The following OBI1 variants were observed in gnomAD, a reference collection of about 807,000 sequenced individuals.
OBI1 encodes the protein ORC ubiquitin ligase 1, also known as ring finger protein 219.
In OBI1, 59 loss-of-function variants were observed where a neutral mutation model predicts 62.4. That is an observed-to-expected ratio of 0.95 (90% CI 0.77 to 1.17). The LOEUF is 1.17. OBI1 is among the 50% of genes most tolerant of loss of function. The pLI is 0.00. For missense variants in OBI1, 875 were observed against 830.9 expected (o/e 1.05, Z -0.65); for synonymous variants, 302 against 292.8 (o/e 1.03, Z -0.32).
intron 1 of OBI1, among the ~76,000 whole-genome samples, chr13:78,646,317 T>C (rs908841017): frequency 1.3e-5 from 2 of 152,212 alleles, no homozygotes; most frequent in African/African-American, 2.4e-5. Flanking sequence ...CTTTAGTGCC[T>C]AGAAGATAGC....
At chr13:78,624,903 C>G (rs1218688402) in intron 5 of OBI1, among the ~76,000 whole-genome samples, 2 of 152,226 alleles carry the variant, frequency 1.3e-5, no homozygotes, top group East Asian at 3.9e-4. Context: ...AGGTTTCTTT[C>G]CTTCTCTCTG....
chr13:78,636,444 C>T (rs1469859293), intron 4 of OBI1, among the ~76,000 whole-genome samples: 1 of 152,162 alleles, frequency 6.6e-6, no homozygotes, highest in African/African-American at 2.4e-5. Flanking sequence ...ACCAAGAAGC[C>T]TTTAAAACGT....
At chr13:78,627,273 A>T (rs1294724447) in intron 5 of OBI1, among the ~76,000 whole-genome samples, 1 of 149,750 alleles carries the variant, frequency 6.7e-6, no homozygotes, top group Non-Finnish European at 1.5e-5. Flanking sequence ...AGACATACAC[A>T]TTCCCCCATC....
Position 78,616,561 on chromosome 13 carries a change from G to C in OBI1, c.1200C>G (p.Leu400=). The C allele has an allele frequency of 6.2e-7, 1 of 1,614,098 alleles. No individual in the cohort carries two copies. Among genetic ancestry groups the C allele is most frequent in the African/African-American group, 1.3e-5 (1 of 75,026 alleles). ...CTPLSLSCLQ[L]STPENRESSV... Reference sequence around the variant, plus strand: ...AGCTCTCTCTATTTTCTGGAGTACTGAGCTGAAGGCAACTAAGGGACAAAG... The same window carrying C: ...AGCTCTCTCTATTTTCTGGAGTACTCAGCTGAAGGCAACTAAGGGACAAAG... The change falls in exon 6 of 6, where the codon CTC becomes CTG. Residue 400 remains leucine (L), a synonymous_variant. Coordinates refer to ENST00000282003, the MANE Select transcript of OBI1 (RefSeq NM_024546.4).
intron 3 of OBI1, among the ~76,000 whole-genome samples, chr13:78,640,620 G>A (rs1876184071): frequency 6.6e-6 from 1 of 151,996 alleles, no homozygotes; most frequent in Non-Finnish European, 1.5e-5. Flanking sequence ...CCAACATGAT[G>A]AAACCTCGCC....
chr13:78,626,130 T>G (rs911967365), intron 5 of OBI1, among the ~76,000 whole-genome samples: 19 of 152,202 alleles, frequency 1.2e-4, no homozygotes, highest in African/African-American at 4.6e-4. Flanking sequence ...GGCAAGTCCC[T>G]ACTATCACCT....
intron 5 of OBI1, among the ~76,000 whole-genome samples, chr13:78,628,909 A>C (rs540094930): frequency 6.6e-6 from 1 of 151,932 alleles, no homozygotes; most frequent in Non-Finnish European, 1.5e-5. Flanking sequence ...AGAGAATGTG[A>C]GGTCAAAGAT....
rs368131144 is a variant in OBI1 at position 78,645,007 on chromosome 13, A to C, written c.73-10T>G. ...TGACAGGCTGACGTACCTTTGAAAA[A>C]AGAAATCACTTTTAGTACAGGACAA... On this transcript the variant is annotated splice_polypyrimidine_tract_variant and intron_variant, in intron 1 of 5. Transcript: ENST00000282003. 34 of 1,606,326 alleles carry C rather than the reference A, an allele frequency of 2.1e-5. No individual in the cohort carries two copies. The African/African-American group carries it at 4.0e-4, about 19-fold the overall frequency.
intron 1 of OBI1, among the ~76,000 whole-genome samples, chr13:78,648,279 AACACACACACACACACACAC>A (rs3064402): frequency 6.8e-6 from 1 of 146,688 alleles, no homozygotes; most frequent in African/African-American, 2.5e-5. Flanking sequence ...ACTTCCCCCA[AACACACACACACACACACAC>A]ACACACACAC....
chr13:78,642,475 A>C (rs577774715), intron 2 of OBI1, among the ~76,000 whole-genome samples: 1 of 152,198 alleles, frequency 6.6e-6, no homozygotes, highest in Non-Finnish European at 1.5e-5. Context: ...CAGCAAACTC[A>C]GTGGAGGAAA....
intron 3 of OBI1, among the ~76,000 whole-genome samples, chr13:78,641,846 AAAAG>A (rs1876225423): frequency 6.6e-6 from 1 of 151,908 alleles, no homozygotes; most frequent in Non-Finnish European, 1.5e-5. Context: ...AAAAAAAAAA[AAAAG>A]AAAGAAATGC....
Position 78,642,165 on chromosome 13 carries a change from T to G in OBI1, c.257A>C (p.His86Pro). 6.2e-7 allele frequency: 1 copy of G among 1,611,236 alleles called. No individual in the cohort carries two copies. Among genetic ancestry groups the G allele is most frequent in the Non-Finnish European group, 8.5e-7 (1 of 1,177,684 alleles). ...TAATTCAAGTCTAGTTTTCCGAAGA[T>G]GCTTCCTGACCGTATGGCTTAGCAT... Reference protein sequence around the residue: ...EPMLSHTVRKHLRKTRLELLH... With the variant: ...EPMLSHTVRKPLRKTRLELLH... The change falls in exon 3 of 6, where the codon CAT (histidine) becomes CCT (proline). Residue 86 changes from histidine (H) to proline (P), a missense_variant. Physicochemically the swap from His to Pro is moderately conservative, Grantham distance 77. Transcript: ENST00000282003.
chr13:78,651,970 A>G (rs546924431), intron 1 of OBI1, among the ~76,000 whole-genome samples: 2 of 152,318 alleles, frequency 1.3e-5, no homozygotes, highest in Admixed American at 1.3e-4. Context: ...AAAAAGCAAA[A>G]GTTTAACCTC....
Position 78,617,379 on chromosome 13 carries a change from C to T in OBI1, c.639-257G>A, listed in dbSNP as rs182265506. On this transcript the variant is annotated intron_variant, in intron 5 of 5. Coordinates refer to ENST00000282003, the MANE Select transcript of OBI1 (RefSeq NM_024546.4). ...AATCAGATCTATGGTAGCAGAGAGG[C>T]AGAAATGTGCTGATGATTTCCCCTC... 1.8e-5 allele frequency: 6 copies of T among 337,352 alleles called. No individual in the cohort carries two copies. In the East Asian group the frequency reaches 2.9e-4, roughly 16 times the overall value. The allele number at this position is 337,352 out of a possible 1,614,324, so 20.9% of individuals were successfully genotyped here. A position where few individuals can be genotyped will look rare whatever the true frequency, so the allele number is the denominator to read the frequency against.
chr13:78,625,999 A>G lies in OBI1; in HGVS notation c.639-8877T>C, dbSNP rs376685478. Among the ~76,000 whole-genome samples, 49 of 152,342 alleles carry G rather than the reference A, an allele frequency of 3.2e-4. 1 individual carries two copies. The East Asian group carries it at 5.8e-3, about 18-fold the overall frequency. ...TAGCACATCTTGAGACATAGTTTAG[A>G]AAGAGCAGACCTGTGAAATGGAACT... On this transcript the variant is annotated intron_variant, in intron 5 of 5. Coordinates refer to ENST00000282003, the MANE Select transcript of OBI1 (RefSeq NM_024546.4).
intron 5 of OBI1, among the ~76,000 whole-genome samples, chr13:78,621,344 C>T (rs1875506057): frequency 6.6e-6 from 1 of 152,194 alleles, no homozygotes; most frequent in East Asian, 1.9e-4. Context: ...AAAAACACTA[C>T]ATAAATAATA....
At chr13:78,645,123 C>T (rs1216436524) in intron 1 of OBI1, 126 bp from the exon 2 acceptor site, 6 of 894,986 alleles carry the variant, frequency 6.7e-6, no homozygotes, top group Admixed American at 5.6e-5. Context: ...GGATATCTAG[C>T]GCTTTTAAAA....
chr13:78,653,497 T>C (rs531834739), intron 1 of OBI1, among the ~76,000 whole-genome samples: 42 of 152,352 alleles, frequency 2.8e-4, no homozygotes, highest in African/African-American at 1.0e-3. Flanking sequence ...AGGTTATAAA[T>C]GGTAGAGCTA....
At chr13:78,656,350 G>C (rs543836419) in intron 1 of OBI1, among the ~76,000 whole-genome samples, 8 of 136,840 alleles carry the variant, frequency 5.8e-5, no homozygotes, top group African/African-American at 1.9e-4. Context: ...TTGGGAGGCC[G>C]AGGCGGGCAG....
Sources: allele counts gnomAD v4.1 joint callset (sites outside exome capture counted in the v4.1 genomes callset), GRCh38; gene constraint gnomAD v4.1.1; transcripts MANE v1.5; gene names NCBI Gene and HGNC (gene_info 2026-07-23, HGNC 2026-07-21).